ALCAM: variants seen among roughly 807,000 people sequenced by gnomAD.
ALCAM encodes the protein CD166 antigen.
Under a neutral mutation model 70.9 loss-of-function variants are expected in ALCAM, and 30 were observed. That is an observed-to-expected ratio of 0.42 (90% CI 0.32 to 0.57). ALCAM has a LOEUF of 0.57. ALCAM is among the 20% of genes least tolerant of loss of function. ALCAM has a pLI of 0.11. For missense variants in ALCAM, 591 were observed against 695.1 expected (o/e 0.85, Z 1.68); for synonymous variants, 249 against 242.5 (o/e 1.03, Z -0.25).
intron 1 of ALCAM, among the ~76,000 whole-genome samples, chr3:105,487,178 C>A (rs911006884): frequency 2.0e-5 from 3 of 151,988 alleles, no homozygotes; most frequent in African/African-American, 7.2e-5. Context: ...GAAAAAAATT[C>A]TGGGGTCTGT....
intron 1 of ALCAM, among the ~76,000 whole-genome samples, chr3:105,452,155 A>G (rs1937444509): frequency 6.6e-6 from 1 of 151,166 alleles, no homozygotes; most frequent in African/African-American, 2.4e-5. Context: ...GGTTTGTTAC[A>G]TAGGTATACA....
chr3:105,468,714 T>C (rs1347807800), intron 1 of ALCAM, among the ~76,000 whole-genome samples: 1 of 151,272 alleles, frequency 6.6e-6, no homozygotes, highest in Admixed American at 6.6e-5. Flanking sequence ...ATAAAGATAA[T>C]GTCCAGTTCA....
At chr3:105,516,541 A>T (rs557498286) in intron 1 of ALCAM, among the ~76,000 whole-genome samples, 8 of 151,962 alleles carry the variant, frequency 5.3e-5, no homozygotes, top group Non-Finnish European at 1.0e-4. Flanking sequence ...AACCTTTGTA[A>T]TTCTATTGTT....
intron 14 of ALCAM, among the ~76,000 whole-genome samples, chr3:105,562,403 A>T (rs546996222): frequency 6.6e-6 from 1 of 152,290 alleles, no homozygotes; most frequent in South Asian, 2.1e-4. Context: ...TAAAATAATC[A>T]TATTGTTTAC....
chr3:105,479,074 G>A (rs1938198150), intron 1 of ALCAM, among the ~76,000 whole-genome samples: 1 of 152,114 alleles, frequency 6.6e-6, no homozygotes, highest in South Asian at 2.1e-4. Context: ...GAGCTTGATA[G>A]AAGTGTATCT....
chr3:105,372,269 A>T (rs747123061), intron 1 of ALCAM, among the ~76,000 whole-genome samples: 2 of 152,116 alleles, frequency 1.3e-5, no homozygotes, highest in Non-Finnish European at 2.9e-5. Context: ...TCCCTATAGT[A>T]CGTAAGTCAT....
intron 1 of ALCAM, among the ~76,000 whole-genome samples, chr3:105,509,487 T>G (rs1026801601): frequency 2.0e-5 from 3 of 152,126 alleles, no homozygotes; most frequent in Non-Finnish European, 4.4e-5. Context: ...TTTTCATATA[T>G]CTATTGGCTA....
chr3:105,424,780 C>G lies in ALCAM; in HGVS notation c.73+57299C>G, dbSNP rs145904738. Among the ~76,000 whole-genome samples the G allele has an allele frequency of 7.9e-5, 12 of 151,760 alleles. No homozygotes were observed. In the East Asian group the frequency reaches 2.1e-3, roughly 27 times the overall value. On this transcript the variant is annotated intron_variant, in intron 1 of 15. Transcript: ENST00000306107. The stretch of plus-strand genomic sequence containing the variant: ...CTAAAATGGTGTCGGTTAATAAAAC[C>G]ATGTCCAGAAAACCATAGATATTTA...
At chr3:105,385,593 G>A (rs771745719) in intron 1 of ALCAM, among the ~76,000 whole-genome samples, 1 of 151,588 alleles carries the variant, frequency 6.6e-6, no homozygotes, top group Non-Finnish European at 1.5e-5. Context: ...CTAACATTCA[G>A]TTAATTTCTT....
chr3:105,540,330 A>G (rs1210271039), intron 7 of ALCAM, among the ~76,000 whole-genome samples: 4 of 151,980 alleles, frequency 2.6e-5, no homozygotes, highest in Non-Finnish European at 4.4e-5. Flanking sequence ...ACAGGAAACC[A>G]TAATTGCAAA....
In ALCAM at chr3:105,480,745, C is replaced by T. The variant is rs114118516; in HGVS notation, c.74-39322C>T. On this transcript the variant is annotated intron_variant, in intron 1 of 15. Coordinates refer to ENST00000306107, the MANE Select transcript of ALCAM (RefSeq NM_001627.4). ...CTGTTATTTGCTATTACTTTGAACT[C>T]CCTGTAAAATTTATGTAAAATTTCA... 6.0e-3 allele frequency among the ~76,000 whole-genome samples: 920 copies of T among 152,234 alleles called. 7 individuals are homozygous for T. The highest frequency in any genetic ancestry group is 0.02 in the African/African-American group (845 of 41,530).
chr3:105,526,611 T>C (rs1235554042), intron 3 of ALCAM, among the ~76,000 whole-genome samples: 1 of 152,204 alleles, frequency 6.6e-6, no homozygotes, highest in Non-Finnish European at 1.5e-5. Flanking sequence ...TGGTGTTTTA[T>C]GCTAGAAATC....
chr3:105,517,696 C>A (rs1939419257), intron 1 of ALCAM, among the ~76,000 whole-genome samples: 1 of 152,092 alleles, frequency 6.6e-6, no homozygotes, highest in Non-Finnish European at 1.5e-5. Flanking sequence ...CTCCTCAAGA[C>A]AGAGCTTGCC....
chr3:105,559,193 TTATATAA>T (rs1336826168), intron 14 of ALCAM, among the ~76,000 whole-genome samples: 2 of 148,072 alleles, frequency 1.4e-5, no homozygotes, highest in African/African-American at 2.5e-5. Context: ...ACATGTATAC[TTATATAA>T]TATATACATA....
chr3:105,421,213 C>T (rs1011965379), intron 1 of ALCAM, among the ~76,000 whole-genome samples: 4 of 151,362 alleles, frequency 2.6e-5, no homozygotes, highest in African/African-American at 7.2e-5. Flanking sequence ...CAAGTGGTTC[C>T]ATTTACACAG....
chr3:105,458,350 G>A lies in ALCAM; in HGVS notation c.74-61717G>A, dbSNP rs192097492. Among the ~76,000 whole-genome samples, 465 of 152,240 alleles carry A rather than the reference G, an allele frequency of 3.1e-3. 2 individuals are homozygous for A. Among genetic ancestry groups the A allele is most frequent in the African/African-American group, 0.011 (439 of 41,536 alleles). On this transcript the variant is annotated intron_variant, in intron 1 of 15. Coordinates refer to ENST00000306107, the MANE Select transcript of ALCAM (RefSeq NM_001627.4). ...ATTTACTTTCCTGTCAATGGAACTG[G>A]GTATGACATTGACTTTTGTAAGGTA...
chr3:105,533,752 T>A, intron 5 of ALCAM, 62 bp downstream of exon 5: 2 of 1,496,864 alleles, frequency 1.3e-6, no homozygotes, highest in Non-Finnish European at 1.8e-6. Context: ...CTTTCTTTGT[T>A]CTAGGTATTC....
chr3:105,438,535 C>A (rs1221092665), intron 1 of ALCAM, among the ~76,000 whole-genome samples: 1 of 151,966 alleles, frequency 6.6e-6, no homozygotes, highest in Non-Finnish European at 1.5e-5. Context: ...AGAATAGATA[C>A]CAAAATTATA....
chr3:105,392,282 T>G (rs1384147344), intron 1 of ALCAM, among the ~76,000 whole-genome samples: 1 of 151,972 alleles, frequency 6.6e-6, no homozygotes. Flanking sequence ...ATTCCACTTC[T>G]TCCTGGTTTA....
Sources: allele counts gnomAD v4.1 joint callset (sites outside exome capture counted in the v4.1 genomes callset), GRCh38; gene constraint gnomAD v4.1.1; transcripts MANE v1.5; gene names NCBI Gene and HGNC (gene_info 2026-07-23, HGNC 2026-07-21).